Variants in DMWD observed in about 807,000 individuals in gnomAD.
DMWD encodes the protein DM1 locus, WD repeat containing.
A neutral mutation model predicts 45.8 loss-of-function variants in DMWD; 19 were observed. That is an observed-to-expected ratio of 0.41 (90% CI 0.29 to 0.61). DMWD has a LOEUF of 0.61. Among genes scored for constraint, DMWD ranks in the 20% least tolerant of loss-of-function variants. DMWD has a pLI of 0.25. For synonymous variants in DMWD, 515 were observed against 440.5 expected (o/e 1.17, Z -2.12); for missense variants, 802 against 965.2 (o/e 0.83, Z 2.24).
chr19:45,787,928 A>T (rs1022535531), intron 2 of DMWD, among the ~76,000 whole-genome samples: 1 of 152,034 alleles, frequency 6.6e-6, no homozygotes, highest in African/African-American at 2.4e-5. Context: ...AAAAATACAA[A>T]AATTAGCCAG....
chr19:45,790,804 C>A, intron 2 of DMWD, 101 bp downstream of exon 2: 1 of 1,356,454 alleles, frequency 7.4e-7, no homozygotes, highest in East Asian at 2.3e-5. Flanking sequence ...TGGTCCTGCC[C>A]CTCTCAGGCC....
chr19:45,783,964 A>T lies in DMWD; in HGVS notation c.*279T>A. 1 of 598,232 alleles carries T rather than the reference A, an allele frequency of 1.7e-6. No homozygotes were observed. The highest frequency in any genetic ancestry group is 2.0e-5 in the South Asian group (1 of 50,140). The allele number at this position is 598,232 out of a possible 1,614,324, so 37.1% of individuals were successfully genotyped here. A position where few individuals can be genotyped will look rare whatever the true frequency, so the allele number is the denominator to read the frequency against. The stretch of plus-strand genomic sequence containing the variant: ...AGTCTCTCCCCAGGAGTGACCAGTC[A>T]CATGCTGGGGACAGGGATGAGGGTA... On this transcript the variant is annotated 3_prime_UTR_variant, in exon 5 of 5. Transcript: ENST00000270223.
In DMWD at chr19:45,786,125, G is replaced by C. The variant is rs1015822515; in HGVS notation, c.1371C>G (p.Ala457=). The C allele has an allele frequency of 5.9e-6, 9 of 1,529,706 alleles. No individual in the cohort carries two copies. The African/African-American group carries it at 1.2e-4, about 21-fold the overall frequency. 94.8% of individuals were successfully genotyped at this position (1,529,706 alleles called of 1,614,324 possible). A position where few individuals can be genotyped will look rare whatever the true frequency, so the allele number is the denominator to read the frequency against. The change falls in exon 3 of 5, where the codon GCC becomes GCG. Residue 457 remains alanine, a synonymous_variant. Coordinates refer to ENST00000270223, the MANE Select transcript of DMWD (RefSeq NM_004943.2). ...GTGTGCCAGGGAGGGTGCGGGTGCG[G>C]GCCAGGGGGGGGTGCGGGTAGAGCA... ...EDVLYPHPPL[A]RTRTLPGTPG...
intron 2 of DMWD, among the ~76,000 whole-genome samples, chr19:45,787,799 GGCTCAC>G (rs1415038457): frequency 6.6e-6 from 1 of 152,198 alleles, no homozygotes; most frequent in Non-Finnish European, 1.5e-5. Flanking sequence ...TGGGCGTGGT[GGCTCAC>G]GCCTGTAATC....
In DMWD at chr19:45,792,357, G is replaced by T. The variant is rs773639676; in HGVS notation, c.400C>A (p.Leu134Ile). 1 of 1,611,634 alleles carries T rather than the reference G, an allele frequency of 6.2e-7. No individual in the cohort carries two copies. The highest frequency in any genetic ancestry group is 8.5e-7 in the Non-Finnish European group (1 of 1,178,984). Residue 134 changes from leucine to isoleucine, a missense_variant, in exon 1 of 5, where the codon CTC (leucine) becomes ATC (isoleucine). Physicochemically the swap from Leu to Ile is conservative, Grantham distance 5. This residue lies in a region of DMWD where 82 missense variants were observed against 92.9 expected (regional missense o/e 0.88). Transcript: ENST00000270223. ...DRVCFNLGRELYFYPGCCRRG... is the reference protein window; with the variant it reads ...DRVCFNLGREIYFYPGCCRRG... ...CGACAGCAGCCTGGGTAGAAATAGAGCTCACGGCCCAAGTTGAAGCAGACG... is the reference window on the plus strand; with the variant it reads ...CGACAGCAGCCTGGGTAGAAATAGATCTCACGGCCCAAGTTGAAGCAGACG...
intron 3 of DMWD, among the ~76,000 whole-genome samples, chr19:45,784,958 CCTA>C (rs1490168397): frequency 6.6e-6 from 1 of 152,202 alleles, no homozygotes; most frequent in Non-Finnish European, 1.5e-5. Flanking sequence ...GCCTGATTCG[CCTA>C]CTATGACCTT....
At chr19:45,785,267 G>C (rs776365468) in intron 3 of DMWD, 1 of 1,118,102 alleles carries the variant, frequency 8.9e-7, no homozygotes, top group Non-Finnish European at 1.1e-6. Flanking sequence ...ATGTTCAACA[G>C]AAATAGATTC....
chr19:45,792,196 A>C (rs1970363941), intron 1 of DMWD, 120 bp downstream of exon 1: 2 of 1,404,052 alleles, frequency 1.4e-6, no homozygotes, highest in Non-Finnish European at 9.3e-7. Flanking sequence ...TCGCCCTACA[A>C]CGTCCATCAC....
chr19:45,792,792 G>T lies in DMWD; in HGVS notation c.-36C>A. 1 of 1,095,888 alleles carries T rather than the reference G, an allele frequency of 9.1e-7. No homozygotes were observed. Among genetic ancestry groups the T allele is most frequent in the Non-Finnish European group, 1.1e-6 (1 of 901,830 alleles). 67.9% of individuals were successfully genotyped at this position (1,095,888 alleles called of 1,614,324 possible). Reference sequence around the variant, plus strand: ...CCCCGGGCCCCGCCACTGCCGGACTGCCGCCCGCAGCCGGGCCCCCTCCCG... The same window carrying T: ...CCCCGGGCCCCGCCACTGCCGGACTTCCGCCCGCAGCCGGGCCCCCTCCCG... On this transcript the variant is annotated 5_prime_UTR_variant, in exon 1 of 5. Coordinates refer to ENST00000270223, the MANE Select transcript of DMWD (RefSeq NM_004943.2).
chr19:45,785,633 C>T lies in DMWD; in HGVS notation c.1863G>A (p.Gln621=), dbSNP rs772013097. 3.9e-6 allele frequency: 6 copies of T among 1,537,550 alleles called. No individual in the cohort carries two copies. ...FLEDCIITAC[Q]EGLICTWARP... Reference sequence around the variant, plus strand: ...GGGCCCAGGTGCAGATGAGGCCCTCCTGGCAGGCAGTGATGATGCAGTCCT... The same window carrying T: ...GGGCCCAGGTGCAGATGAGGCCCTCTTGGCAGGCAGTGATGATGCAGTCCT... Residue 621 remains glutamine, a synonymous_variant, in exon 3 of 5, where the codon CAG becomes CAA. Coordinates refer to ENST00000270223, the MANE Select transcript of DMWD (RefSeq NM_004943.2).
chr19:45,785,355 C>G, intron 3 of DMWD: 1 of 1,237,672 alleles, frequency 8.1e-7, no homozygotes. Context: ...CTTGGATGCC[C>G]CAATTCCTAG....
At chr19:45,788,682 G>T (rs1324659498) in intron 2 of DMWD, among the ~76,000 whole-genome samples, 1 of 152,074 alleles carries the variant, frequency 6.6e-6, no homozygotes. Context: ...TAATCCCAGC[G>T]CTTTGGGAGG....
At chr19:45,791,767 G>A (rs1380603183) in intron 1 of DMWD, among the ~76,000 whole-genome samples, 5 of 151,598 alleles carry the variant, frequency 3.3e-5, no homozygotes, top group South Asian at 2.1e-4. Flanking sequence ...ATCAGCTTCC[G>A]GACGCTCATC....
Position 45,792,744 on chromosome 19 carries a change from C to T in DMWD, c.13G>A (p.Gly5Ser). The T allele has an allele frequency of 5.3e-6, 6 of 1,141,410 alleles. No homozygotes were observed. The highest frequency in any genetic ancestry group is 6.5e-6 in the Non-Finnish European group (6 of 927,778). 70.7% of individuals were successfully genotyped at this position (1,141,410 alleles called of 1,614,324 possible). A position where few individuals can be genotyped will look rare whatever the true frequency, so the allele number is the denominator to read the frequency against. ...CCGGGGCCCGAGCCGCCCTCCGCGC[C>T]GCCCGCCGCCATCTTGGGCGCCCCC... is the stretch of plus-strand genomic sequence containing the variant. MAAG[G>S]AEGGSGPGAA... The change falls in exon 1 of 5, where the codon GGC becomes AGC. Residue 5 changes from glycine (G) to serine (S), a missense_variant. This residue lies in a region of DMWD where 151 missense variants were observed against 128.1 expected (regional missense o/e 1.18). Transcript: ENST00000270223.
Position 45,792,757 on chromosome 19 carries a change from C to T in DMWD, c.-1G>A, listed in dbSNP as rs1019594597. On this transcript the variant is annotated 5_prime_UTR_variant, in exon 1 of 5. Coordinates refer to ENST00000270223, the MANE Select transcript of DMWD (RefSeq NM_004943.2). ...CGCCCTCCGCGCCGCCCGCCGCCAT[C>T]TTGGGCGCCCCCCGGGCCCCGCCAC... The T allele has an allele frequency of 4.4e-6, 5 of 1,128,696 alleles. No individual in the cohort carries two copies. Among genetic ancestry groups the T allele is most frequent in the Admixed American group, 4.9e-5 (1 of 20,500 alleles). 69.9% of individuals were successfully genotyped at this position (1,128,696 alleles called of 1,614,324 possible).
chr19:45,785,547 C>G, intron 3 of DMWD, 47 bp downstream of exon 3: 2 of 1,435,166 alleles, frequency 1.4e-6, no homozygotes, highest in South Asian at 3.1e-5. Context: ...CCTCTTCCCA[C>G]GAAAGGTCCT....
Position 45,785,775 on chromosome 19 carries a change from T to G in DMWD, c.1721A>C (p.Asp574Ala), listed in dbSNP as rs767846091. ...PSGPVPRSRL[D>A]PAKVLGTALC... ...CGCAGTGCCCAGCACCTTGGCGGGG[T>G]CCAGGCGGCTGCGGGGAACAGGGCC... is the stretch of plus-strand genomic sequence containing the variant. Residue 574 changes from aspartate to alanine, a missense_variant, in exon 3 of 5, where the codon GAC becomes GCC. By Grantham distance (126) the Asp-to-Ala change is moderately radical (BLOSUM62 -2). Around this residue, in one of 9 missense-constraint regions of DMWD, gnomAD observed 303 missense variants for 332.9 expected, o/e 0.91. Coordinates refer to ENST00000270223, the MANE Select transcript of DMWD (RefSeq NM_004943.2). 6.2e-7 allele frequency: 1 copy of G among 1,611,484 alleles called. No individual in the cohort carries two copies. The highest frequency in any genetic ancestry group is 1.1e-5 in the South Asian group (1 of 90,888).
At position 45,785,586 on chromosome 19, in the gene DMWD, C is replaced by A. The variant is rs758974926; in HGVS notation, c.1902+8G>T. ...AGGTCCCCGGCAGGCTGGTGTGGGG[C>A]CACTCACCGCCTTGCCCGGCCGGGC... On this transcript the variant is annotated splice_region_variant and intron_variant, in intron 3 of 4. Transcript: ENST00000270223. 3 of 1,471,912 alleles carry A rather than the reference C, an allele frequency of 2.0e-6. No homozygotes were observed. Among genetic ancestry groups the A allele is most frequent in the Non-Finnish European group, 1.8e-6 (2 of 1,109,638 alleles). 91.2% of individuals were successfully genotyped at this position (1,471,912 alleles called of 1,614,324 possible).
In DMWD at chr19:45,792,696, C is replaced by A; in HGVS notation, c.61G>T (p.Glu21Ter). The change falls in exon 1 of 5, where the codon GAG becomes TAG. Residue 21 changes from glutamate to a stop codon, truncating the protein, a stop_gained. Coordinates refer to ENST00000270223, the MANE Select transcript of DMWD (RefSeq NM_004943.2). LOFTEE classifies it high-confidence loss of function. ...CGCGTGCGGAATTGCGACTTAATCT[C>A]CGCGCAGTCCCCCATGGCGGCGCCG... ...GPGAAMGDCA[E>*]IKSQFRTREG... 1 of 1,267,018 alleles carries A rather than the reference C, an allele frequency of 7.9e-7. No homozygotes were observed. Among genetic ancestry groups the A allele is most frequent in the Non-Finnish European group, 1.0e-6 (1 of 989,382 alleles). The allele number at this position is 1,267,018 out of a possible 1,614,324, so 78.5% of individuals were successfully genotyped here.
Sources: gnomAD v4.1 joint callset for allele counts (sites outside exome capture counted in the v4.1 genomes callset) on GRCh38, gnomAD v4.1.1 for gene constraint, gnomAD v4.1.1 regional missense constraint, MANE v1.5 for transcripts, NCBI Gene and HGNC (gene_info 2026-07-23, HGNC 2026-07-21) for gene names.